Variants in CNTNAP5 observed in about 807,000 individuals in gnomAD.
CNTNAP5 encodes the protein contactin associated protein family member 5.
A neutral mutation model predicts 150.2 loss-of-function variants in CNTNAP5; 72 were observed. That is an observed-to-expected ratio of 0.48 (90% CI 0.40 to 0.58). CNTNAP5 has a LOEUF of 0.58. Ranked by LOEUF, CNTNAP5 falls within the 20% of genes least tolerant of loss-of-function variation. The pLI is 0.00. For missense variants in CNTNAP5, 1,636 were observed against 1,626.2 expected, an observed-to-expected ratio of 1.01 and a Z score of -0.10; for synonymous variants, 672 against 619.8, an observed-to-expected ratio of 1.08 and a Z score of -1.25.
chr2:124,485,228 C>T (rs180868845), intron 7 of CNTNAP5, among the ~76,000 whole-genome samples: 3 of 152,278 alleles, frequency 2.0e-5, no homozygotes, highest in Admixed American at 2.0e-4. Context: ...GGTACTTTCT[C>T]TAGCTTGAGA....
intron 13 of CNTNAP5, among the ~76,000 whole-genome samples, chr2:124,715,535 T>C (rs1484098514): frequency 6.6e-6 from 1 of 152,190 alleles, no homozygotes; most frequent in Non-Finnish European, 1.5e-5. Flanking sequence ...CTTTATACTT[T>C]AAGTTCTAGG....
chr2:124,258,574 G>C (rs1001664107), intron 3 of CNTNAP5, among the ~76,000 whole-genome samples: 1 of 152,164 alleles, frequency 6.6e-6, no homozygotes, highest in Non-Finnish European at 1.5e-5. Flanking sequence ...GCATGTTTAA[G>C]AAAGTACAAG....
At chr2:124,495,463 C>A (rs2104854313) in intron 7 of CNTNAP5, among the ~76,000 whole-genome samples, 1 of 152,338 alleles carries the variant, frequency 6.6e-6, no homozygotes, top group Middle Eastern at 3.4e-3. Flanking sequence ...CCAAAGGCAG[C>A]ATGTGGCTCT....
chr2:124,173,879 A>G (rs1684997467), intron 1 of CNTNAP5, among the ~76,000 whole-genome samples: 1 of 152,158 alleles, frequency 6.6e-6, no homozygotes, highest in Non-Finnish European at 1.5e-5. Flanking sequence ...GTCAATGCCT[A>G]TTTTCAAAGC....
intron 10 of CNTNAP5, among the ~76,000 whole-genome samples, chr2:124,558,001 G>A (rs1457093995): frequency 6.6e-6 from 1 of 152,178 alleles, no homozygotes; most frequent in Non-Finnish European, 1.5e-5. Flanking sequence ...ATAAGAACTG[G>A]AAGATCATTT....
At chr2:124,260,950 A>G (rs1344775990) in intron 3 of CNTNAP5, among the ~76,000 whole-genome samples, 2 of 152,146 alleles carry the variant, frequency 1.3e-5, no homozygotes, top group Non-Finnish European at 2.9e-5. Flanking sequence ...CCAAATAATT[A>G]TTCCCTTTTA....
chr2:124,670,745 C>T (rs1257389773), intron 13 of CNTNAP5, among the ~76,000 whole-genome samples: 2 of 152,024 alleles, frequency 1.3e-5, no homozygotes, highest in African/African-American at 4.8e-5. Context: ...CAATTTACCA[C>T]ATGCCTTGCT....
chr2:124,027,282 C>A (rs954780811), intron 1 of CNTNAP5, among the ~76,000 whole-genome samples: 7 of 152,310 alleles, frequency 4.6e-5, no homozygotes, highest in African/African-American at 1.7e-4. Context: ...TAAGGCACAG[C>A]GCTGGGCTAT....
At chr2:124,677,251 C>T (rs36036896) in intron 13 of CNTNAP5, among the ~76,000 whole-genome samples, 36,001 of 151,892 alleles carry the variant, frequency 0.24, 4,789 homozygotes, top group African/African-American at 0.37. Flanking sequence ...TCTGGGGTAG[C>T]TTTTTCCTCC....
chr2:124,114,927 G>T (rs1455603928), intron 1 of CNTNAP5, among the ~76,000 whole-genome samples: 1 of 151,392 alleles, frequency 6.6e-6, no homozygotes, highest in Non-Finnish European at 1.5e-5. Context: ...AATTACACTG[G>T]TTAATTTTTA....
At chr2:124,500,782 AG>A (rs1694260782) in intron 7 of CNTNAP5, among the ~76,000 whole-genome samples, 1 of 152,152 alleles carries the variant, frequency 6.6e-6, no homozygotes, top group African/African-American at 2.4e-5. Flanking sequence ...CTGTTCGAGA[AG>A]GGGCATGTAT....
intron 8 of CNTNAP5, among the ~76,000 whole-genome samples, chr2:124,510,508 T>C (rs905407275): frequency 4.2e-5 from 3 of 71,560 alleles, no homozygotes; most frequent in South Asian, 3.8e-4. Flanking sequence ...TATATATATA[T>C]ATATATATAT....
At chr2:124,873,090 T>C (rs1264961160) in intron 21 of CNTNAP5, among the ~76,000 whole-genome samples, 1 of 152,100 alleles carries the variant, frequency 6.6e-6, no homozygotes, top group African/African-American at 2.4e-5. Flanking sequence ...ACAAGCTGTA[T>C]AAGAAGGATG....
At chr2:124,908,450 T>A (rs1678585974) in intron 22 of CNTNAP5, among the ~76,000 whole-genome samples, 1 of 152,082 alleles carries the variant, frequency 6.6e-6, no homozygotes, top group Non-Finnish European at 1.5e-5. Flanking sequence ...CCATAATGGA[T>A]GATTCAGATT....
At chr2:124,888,048 A>G (rs1366068226) in intron 21 of CNTNAP5, among the ~76,000 whole-genome samples, 1 of 152,114 alleles carries the variant, frequency 6.6e-6, no homozygotes, top group African/African-American at 2.4e-5. Flanking sequence ...AGTTTGGGAT[A>G]TGATTGACCT....
At chr2:124,848,512 A>G (rs575988423) in intron 19 of CNTNAP5, among the ~76,000 whole-genome samples, 2 of 152,282 alleles carry the variant, frequency 1.3e-5, no homozygotes, top group African/African-American at 4.8e-5. Flanking sequence ...CTGGATATAT[A>G]TCCAGAAGTA....
At chr2:124,660,540 C>A (rs1365280684) in intron 13 of CNTNAP5, among the ~76,000 whole-genome samples, 1 of 151,906 alleles carries the variant, frequency 6.6e-6, no homozygotes, top group Non-Finnish European at 1.5e-5. Context: ...TATTTTTATG[C>A]CAAGATATCC....
chr2:124,221,565 A>T (rs1405457403), intron 1 of CNTNAP5, 140 bp from the exon 2 acceptor site: 2 of 603,458 alleles, frequency 3.3e-6, no homozygotes, highest in Non-Finnish European at 5.9e-6. Flanking sequence ...GCAGTAACAC[A>T]TGGAAACCGG....
At chr2:124,742,732 A>C (rs2105139926) in intron 13 of CNTNAP5, among the ~76,000 whole-genome samples, 1 of 152,172 alleles carries the variant, frequency 6.6e-6, no homozygotes, top group South Asian at 2.1e-4. Context: ...TTTGCATGGA[A>C]GTAATGTAAA....
Sources: gnomAD v4.1 joint callset for allele counts (sites outside exome capture counted in the v4.1 genomes callset) on GRCh38, gnomAD v4.1.1 for gene constraint, MANE v1.5 for transcripts, NCBI Gene and HGNC (gene_info 2026-07-23, HGNC 2026-07-21) for gene names.